Variants in WLS observed in about 807,000 individuals in gnomAD.
WLS encodes the protein protein wntless homolog.
A neutral mutation model predicts 62.8 loss-of-function variants in WLS; 23 were observed. The observed-to-expected ratio is 0.37, with a 90% CI of 0.26 to 0.52. The LOEUF (loss-of-function observed/expected upper bound fraction) is 0.52, where lower values mean the gene tolerates loss of function less well. Ranked by LOEUF, WLS falls within the 20% of genes least tolerant of loss-of-function variation. The pLI is 0.92. For synonymous variants in WLS, 246 were observed against 244.1 expected (o/e 1.01, Z -0.07); for missense variants, 615 against 697.3 (o/e 0.88, Z 1.33).
intron 1 of WLS, among the ~76,000 whole-genome samples, chr1:68,223,147 C>A (rs1376578542): frequency 6.6e-6 from 1 of 152,174 alleles, no homozygotes; most frequent in African/African-American, 2.4e-5. Flanking sequence ...CATAATCAAG[C>A]TTCACTAACA....
chr1:68,127,500 C>T (rs1452890733), intron 11 of WLS, among the ~76,000 whole-genome samples: 1 of 152,172 alleles, frequency 6.6e-6, no homozygotes, highest in Non-Finnish European at 1.5e-5. Context: ...GAAAACTCTG[C>T]TACCTGCCAT....
chr1:68,187,539 T>A (rs1028657707), intron 2 of WLS, among the ~76,000 whole-genome samples: 14 of 152,328 alleles, frequency 9.2e-5, no homozygotes, highest in African/African-American at 3.4e-4. Flanking sequence ...ATGGGCATTT[T>A]TGTTGTTTAG....
rs551467381 is a variant in WLS, at chr1:68,150,474, T to G, written c.804-118A>C. On this transcript the variant is annotated intron_variant, in intron 5 of 11. Coordinates refer to ENST00000262348, the MANE Select transcript of WLS (RefSeq NM_024911.7). ...GTTACTTATTGGGTCTGAAGCCATA[T>G]GATCAATTTCTTCTGCACAGAGATG... 3 of 1,375,872 alleles carry G rather than the reference T, an allele frequency of 2.2e-6. No individual in the cohort carries two copies. In the Admixed American group the frequency reaches 6.1e-5, roughly 28 times the overall value. 85.2% of individuals were successfully genotyped at this position (1,375,872 alleles called of 1,614,324 possible).
At chr1:68,143,344 G>T (rs982517297) in intron 10 of WLS, among the ~76,000 whole-genome samples, 3 of 152,100 alleles carry the variant, frequency 2.0e-5, no homozygotes, top group African/African-American at 7.2e-5. Flanking sequence ...CTAACTTATT[G>T]CATGTCCTTT....
rs1650474910 is a variant in WLS at position 68,232,455 on chromosome 1, G to C, written c.-156C>G. On this transcript the variant is annotated 5_prime_UTR_variant, in exon 1 of 12. Transcript: ENST00000262348. ...GCGCGGCGAGGATGGGACCGGGACG[G>C]AAGGCGCCCGCACGGATTCCCCCGG... 5 of 1,383,584 alleles carry C rather than the reference G, an allele frequency of 3.6e-6. No individual in the cohort carries two copies. The highest frequency in any genetic ancestry group is 4.7e-6 in the Non-Finnish European group (5 of 1,065,384). The allele number at this position is 1,383,584 out of a possible 1,614,324, so 85.7% of individuals were successfully genotyped here.
intron 2 of WLS, chr1:68,162,803 C>T: frequency 8.5e-7 from 1 of 1,180,770 alleles, no homozygotes; most frequent in Non-Finnish European, 1.3e-6. Flanking sequence ...ACTCTCGGGG[C>T]CTTAAACTTT....
intron 2 of WLS, among the ~76,000 whole-genome samples, chr1:68,181,506 C>T (rs1647566681): frequency 6.6e-6 from 1 of 152,194 alleles, no homozygotes; most frequent in Non-Finnish European, 1.5e-5. Context: ...ACTTCATTCC[C>T]TGAAATACTG....
chr1:68,229,137 A>G (rs1361478125), intron 1 of WLS, among the ~76,000 whole-genome samples: 2 of 152,136 alleles, frequency 1.3e-5, no homozygotes, highest in Non-Finnish European at 2.9e-5. Flanking sequence ...ACCAATGAGG[A>G]GCCTGAAGCC....
chr1:68,099,002 A>C (rs974328443), intron 11 of WLS, among the ~76,000 whole-genome samples: 25 of 152,142 alleles, frequency 1.6e-4, no homozygotes, highest in Non-Finnish European at 2.9e-4. Flanking sequence ...TCCACATTCA[A>C]CAAATTTTCC....
At chr1:68,116,520 T>G (rs1443926827) in intron 11 of WLS, among the ~76,000 whole-genome samples, 1 of 152,204 alleles carries the variant, frequency 6.6e-6, no homozygotes, top group African/African-American at 2.4e-5. Context: ...CTGTGTGACC[T>G]TAGGGAAATC....
chr1:68,199,242 G>A (rs574050366), intron 1 of WLS, among the ~76,000 whole-genome samples: 128 of 152,250 alleles, frequency 8.4e-4, no homozygotes, highest in Non-Finnish European at 1.5e-3. Context: ...TGCAGGTACC[G>A]TACTAACTAA....
At chr1:68,125,169 A>G (rs2820478), downstream of WLS, among the ~76,000 whole-genome samples, 98,694 of 152,092 alleles carry the variant, frequency 0.65, 32,284 homozygotes, top group Middle Eastern at 0.72. Context: ...TGTCACGCAT[A>G]TGAGCATCCC....
intron 11 of WLS, among the ~76,000 whole-genome samples, chr1:68,117,152 A>C (rs1256769420): frequency 6.7e-6 from 1 of 149,094 alleles, no homozygotes; most frequent in Non-Finnish European, 1.5e-5. Flanking sequence ...CCCCACACTC[A>C]CTCCTCTGCA....
intron 2 of WLS, among the ~76,000 whole-genome samples, chr1:68,177,011 G>A (rs1414706644): frequency 6.6e-6 from 1 of 152,144 alleles, no homozygotes; most frequent in Non-Finnish European, 1.5e-5. Flanking sequence ...TCCACTCCAA[G>A]AGGTTGTCTC....
rs927739233 is a variant in WLS, at chr1:68,215,856, G to A, written c.106+16338C>T. The stretch of plus-strand genomic sequence containing the variant: ...TAGCATCATTCACTAACTAAACCCA[G>A]TAAATTAGTTTCACCCTCATCTCCT... On this transcript the variant is annotated intron_variant, in intron 1 of 11. Coordinates refer to ENST00000262348, the MANE Select transcript of WLS (RefSeq NM_024911.7). Among the ~76,000 whole-genome samples, 8 of 152,184 alleles carry A rather than the reference G, an allele frequency of 5.3e-5. No individual in the cohort carries two copies. In the South Asian group the frequency reaches 1.2e-3, roughly 24 times the overall value.
At chr1:68,098,945 A>G (rs1199348671) in intron 11 of WLS, 14 of 775,484 alleles carry the variant, frequency 1.8e-5, no homozygotes, top group Non-Finnish European at 2.5e-5. Flanking sequence ...CTTGCCCACT[A>G]AATCTCAATA....
chr1:68,132,251 G>T (rs1429738504), intron 11 of WLS, among the ~76,000 whole-genome samples: 8 of 152,152 alleles, frequency 5.3e-5, no homozygotes, highest in Admixed American at 5.2e-4. Flanking sequence ...GGCTGGTGAC[G>T]GTCCATCAGT....
At chr1:68,201,605 G>A (rs1323426291) in intron 1 of WLS, among the ~76,000 whole-genome samples, 3 of 152,238 alleles carry the variant, frequency 2.0e-5, no homozygotes, top group Non-Finnish European at 4.4e-5. Context: ...TCAAAGCTAT[G>A]CCCTTGTGCA....
chr1:68,115,182 G>A (rs1028341648), intron 11 of WLS, among the ~76,000 whole-genome samples: 2 of 152,176 alleles, frequency 1.3e-5, no homozygotes, highest in African/African-American at 4.8e-5. Context: ...GCTCCTTAGG[G>A]TTATGGCTGC....
Sources: gnomAD v4.1 joint callset for allele counts (sites outside exome capture counted in the v4.1 genomes callset) on GRCh38, gnomAD v4.1.1 for gene constraint, MANE v1.5 for transcripts, NCBI Gene and HGNC (gene_info 2026-07-23, HGNC 2026-07-21) for gene names.